Variants in CATSPER1 observed in about 807,000 individuals in gnomAD.
CATSPER1 encodes the protein cation channel sperm associated 1.
Under a neutral mutation model 72.7 loss-of-function variants are expected in CATSPER1, and 57 were observed. That is an observed-to-expected ratio of 0.78 (90% confidence interval 0.63 to 0.98). CATSPER1 has a LOEUF of 0.98. CATSPER1 is among the 50% of genes least tolerant of loss of function. CATSPER1 has a pLI of 0.00. For missense variants in CATSPER1, 910 were observed against 1,033.9 expected (o/e 0.88, Z 1.64); for synonymous variants, 363 against 403.0 (o/e 0.90, Z 1.19).
At chr11:66,018,253 A>G (rs917760964) in intron 10 of CATSPER1, among the ~76,000 whole-genome samples, 1 of 151,434 alleles carries the variant, frequency 6.6e-6, no homozygotes, top group African/African-American at 2.4e-5. Flanking sequence ...AAGATACATG[A>G]GGGTTTACCA....
At chr11:66,018,929 T>A (rs762183019) in intron 9 of CATSPER1, 27 bp from the exon 10 acceptor site, 1 of 1,589,160 alleles carries the variant, frequency 6.3e-7, no homozygotes, top group Non-Finnish European at 8.6e-7. Context: ...AAGGGTGAGG[T>A]CAAGGCCTGG....
intron 1 of CATSPER1, 74 bp downstream of exon 1, chr11:66,025,090 T>C (rs952386424): frequency 1.1e-5 from 17 of 1,591,372 alleles, no homozygotes; most frequent in African/African-American, 4.0e-5. Flanking sequence ...GGAAGGACAG[T>C]GCGGGGCCGA....
In CATSPER1 at chr11:66,020,941, C is replaced by A. The variant is rs148871160; in HGVS notation, c.1797G>T (p.Ala599=). The A allele has an allele frequency of 6.2e-7, 1 of 1,613,994 alleles. No homozygotes were observed. Among genetic ancestry groups the A allele is most frequent in the Non-Finnish European group, 8.5e-7 (1 of 1,180,026 alleles). Residue 599 remains alanine, a synonymous_variant, in exon 6 of 12, where the codon GCG becomes GCT. Transcript: ENST00000312106. The surrounding 1 kb of genome is among the most constrained non-coding windows in gnomAD (Gnocchi z 4.5). The part of the protein sequence containing the change: ...LMFTCLFLFS[A]VLRALFRKSD... ...ATTTGCGGAACAGTGCCCGGAGGAC[C>A]GCGGAGAAGAGGACTGGCTGTTCAG... is the stretch of plus-strand genomic sequence containing the variant.
At position 66,016,901 on chromosome 11, in the gene CATSPER1, A is replaced by C; in HGVS notation, c.2332T>G (p.Phe778Val). Residue 778 changes from phenylalanine to valine, a missense_variant, in exon 12 of 12, where the codon TTC becomes GTC. By Grantham distance (50) the Phe-to-Val change is conservative (BLOSUM62 -1). Coordinates refer to ENST00000312106, the MANE Select transcript of CATSPER1 (RefSeq NM_053054.4). The stretch of plus-strand genomic sequence containing the variant: ...GTGTCCTCCTGGGGTCAATTCCTGA[A>C]GTCCTCTTCTCCAGCCTGCAGGGGT... ...DTTFEAGEED[F>V]RN 1 of 1,613,876 alleles carries C rather than the reference A, an allele frequency of 6.2e-7. No individual in the cohort carries two copies. The highest frequency in any genetic ancestry group is 8.5e-7 in the Non-Finnish European group (1 of 1,179,902).
Position 66,020,811 on chromosome 11 carries a change from C to A in CATSPER1, c.1927G>T (p.Gly643Cys). 6.2e-7 allele frequency: 1 copy of A among 1,613,750 alleles called. No individual in the cohort carries two copies. The highest frequency in any genetic ancestry group is 8.5e-7 in the Non-Finnish European group (1 of 1,180,008). Reference sequence around the variant, plus strand: ...CCCTGCAGCCTGGGGCCTGCCCTACCCTGGGCACGGCTGTCCATGTAGATG... The same window carrying A: ...CCCTGCAGCCTGGGGCCTGCCCTACACTGGGCACGGCTGTCCATGTAGATG... ...SLIYMDSRAQGAWYIIPILVI... is the reference protein window; with the variant it reads ...SLIYMDSRAQCAWYIIPILVI... Residue 643 changes from glycine to cysteine, a missense_variant and splice_region_variant, in exon 6 of 12, where the codon GGC becomes TGC. Transcript: ENST00000312106. This position sits in a 1 kb window ranked among gnomAD's most constrained non-coding sequence, Gnocchi z 4.5.
intron 10 of CATSPER1, 89 bp downstream of exon 10, chr11:66,018,734 GGGCA>G: frequency 1.5e-6 from 2 of 1,349,560 alleles, no homozygotes; most frequent in Non-Finnish European, 2.1e-6. Context: ...CCTTCTAGAG[GGGCA>G]GGCAATGTCC....
At position 66,020,124 on chromosome 11, in the gene CATSPER1, CG is replaced by C. The variant is rs1565070159; in HGVS notation, c.2125+15del. 2 of 1,612,668 alleles carry C rather than the reference CG, an allele frequency of 1.2e-6. No individual in the cohort carries two copies. Among genetic ancestry groups the C allele is most frequent in the Non-Finnish European group, 1.7e-6 (2 of 1,179,810 alleles). ...TGCGGACGGGCAGGTGGGGCCAGGGCGGGCCAGGCCCATACCTGCAGCTCTG... is the reference window on the plus strand; with the variant it reads ...TGCGGACGGGCAGGTGGGGCCAGGGCGGCCAGGCCCATACCTGCAGCTCTG... On this transcript the variant is annotated intron_variant, in intron 9 of 11. Coordinates refer to ENST00000312106, the MANE Select transcript of CATSPER1 (RefSeq NM_053054.4). The surrounding 1 kb of genome is among the most constrained non-coding windows in gnomAD (Gnocchi z 4.5).
rs1856499683 is a variant in CATSPER1 at position 66,026,065 on chromosome 11, G to T, written c.315C>A (p.Val105=). ...GFGLAPSQGA[V]PSHRSYGEDY... ...CCTCACCGTAGGAACGGTGGGAGGG[G>T]ACGGCGCCTTGAGAGGGAGCCAGAC... The change falls in exon 1 of 12, where the codon GTC becomes GTA. Residue 105 remains valine, a synonymous_variant. Transcript: ENST00000312106. 8 of 1,613,856 alleles carry T rather than the reference G, an allele frequency of 5.0e-6. 1 individual carries two copies. In the East Asian group the frequency reaches 1.8e-4, roughly 36 times the overall value.
rs1414430344 is a variant in CATSPER1, at chr11:66,016,815, C to A, written c.*75G>T. On this transcript the variant is annotated 3_prime_UTR_variant, in exon 12 of 12. Transcript: ENST00000312106. Reference sequence around the variant, plus strand: ...GGCCCGGACAATCATTCCAGCAGATCTGGGGACCCGTCCCAGTGCACCCAG... The same window carrying A: ...GGCCCGGACAATCATTCCAGCAGATATGGGGACCCGTCCCAGTGCACCCAG... The A allele has an allele frequency of 6.5e-7, 1 of 1,528,962 alleles. No individual in the cohort carries two copies. Among genetic ancestry groups the A allele is most frequent in the Non-Finnish European group, 8.9e-7 (1 of 1,120,414 alleles). 94.7% of individuals were successfully genotyped at this position (1,528,962 alleles called of 1,614,324 possible).
At chr11:66,017,656 A>G (rs1260816532) in intron 10 of CATSPER1, among the ~76,000 whole-genome samples, 1 of 146,270 alleles carries the variant, frequency 6.8e-6, no homozygotes, top group Non-Finnish European at 1.5e-5. Flanking sequence ...CACATTACCC[A>G]TTGTCCCATT....
At chr11:66,016,975 C>T in intron 11 of CATSPER1, 59 bp from the exon 12 acceptor site, 3 of 1,613,400 alleles carry the variant, frequency 1.9e-6, no homozygotes, top group Admixed American at 3.3e-5. Context: ...TTCCCCGATC[C>T]CCATGGGAGT....
chr11:66,021,704 C>T (rs939887832), intron 3 of CATSPER1, 61 bp from the exon 4 acceptor site: 17 of 1,612,378 alleles, frequency 1.1e-5, no homozygotes, highest in African/African-American at 5.3e-5. Context: ...CTTCCCCATC[C>T]TTCTCTCGTC....
chr11:66,017,990 G>C (rs1476505401), intron 10 of CATSPER1, among the ~76,000 whole-genome samples: 1 of 152,108 alleles, frequency 6.6e-6, no homozygotes, highest in East Asian at 1.9e-4. Flanking sequence ...TTTGAGGTCA[G>C]GAGTTCCAGA....
At position 66,022,854 on chromosome 11, in the gene CATSPER1, C is replaced by A; in HGVS notation, c.1424G>T (p.Arg475Leu). 4 of 1,614,194 alleles carry A rather than the reference C, an allele frequency of 2.5e-6. No individual in the cohort carries two copies. The highest frequency in any genetic ancestry group is 3.4e-6 in the Non-Finnish European group (4 of 1,180,018). Residue 475 changes from arginine (R) to leucine (L), a missense_variant, in exon 2 of 12, where the codon CGG (arginine) becomes CTG (leucine). By Grantham distance (102) the Arg-to-Leu change is moderately radical. Transcript: ENST00000312106. ...VAQTFAEVEI[R>L]GEWYFMALDS... ...CAGGACTCCCTGGCTCTTACCGCCC[C>A]GGATCTCGACTTCAGCGAAGGTCTG...
In CATSPER1 at chr11:66,025,470, C is replaced by G; in HGVS notation, c.910G>C (p.Asp304His). ...CTGGAATGATACGCGCCGTGGTGGT[C>G]TTGGTGCTGATGGTAGTCTCGGTGC... ...HRHRDYHQHQ[D>H]HHGAYHSSYL... Residue 304 changes from aspartate (D) to histidine (H), a missense_variant, in exon 1 of 12, where the codon GAC becomes CAC. Physicochemically the swap from Asp to His is moderately conservative, Grantham distance 81 (BLOSUM62 -1). Coordinates refer to ENST00000312106, the MANE Select transcript of CATSPER1 (RefSeq NM_053054.4). 1 of 1,611,794 alleles carries G rather than the reference C, an allele frequency of 6.2e-7. No individual in the cohort carries two copies. Among genetic ancestry groups the G allele is most frequent in the Non-Finnish European group, 8.5e-7 (1 of 1,179,544 alleles).
At chr11:66,023,755 C>T (rs557933584) in intron 1 of CATSPER1, among the ~76,000 whole-genome samples, 15 of 151,900 alleles carry the variant, frequency 9.9e-5, no homozygotes, top group African/African-American at 3.1e-4. Context: ...GGCTCCCACT[C>T]CTATGCCTCC....
rs1590687881 is a variant in CATSPER1, at chr11:66,025,228, C to A, written c.1152G>T (p.Gln384His). Residue 384 changes from glutamine to histidine, a missense_variant, in exon 1 of 12, where the codon CAG (glutamine) becomes CAT (histidine). Gln to His is a conservative substitution (Grantham distance 24). Coordinates refer to ENST00000312106, the MANE Select transcript of CATSPER1 (RefSeq NM_053054.4). ...VTQMSKKVHTQDISTKHSEDW... is the reference protein window; with the variant it reads ...VTQMSKKVHTHDISTKHSEDW... ...CTTCTGAATGTTTGGTGGAGATATC[C>A]TGGGTATGGACTTTTTTGGACATCT... 2 of 1,613,984 alleles carry A rather than the reference C, an allele frequency of 1.2e-6. No homozygotes were observed. Among genetic ancestry groups the A allele is most frequent in the Non-Finnish European group, 1.7e-6 (2 of 1,180,036 alleles).
Position 66,026,140 on chromosome 11 carries a change from G to C in CATSPER1, c.240C>G (p.His80Gln), listed in dbSNP as rs764201407. 1.2e-6 allele frequency: 2 copies of C among 1,607,018 alleles called. No individual in the cohort carries two copies. The highest frequency in any genetic ancestry group is 3.3e-5 in the Admixed American group (2 of 59,850). ...ALSSHVHQSH[H>Q]HSEARNHGRA... ...TGCCGTGATTCCGTGCCTCGCTGTG[G>C]TGGTGAGATTGGTGGACATGGGAGG... The change falls in exon 1 of 12, where the codon CAC becomes CAG. Residue 80 changes from histidine (H) to glutamine (Q), a missense_variant. Coordinates refer to ENST00000312106, the MANE Select transcript of CATSPER1 (RefSeq NM_053054.4).
chr11:66,019,423 C>T (rs1856308229), intron 9 of CATSPER1, among the ~76,000 whole-genome samples: 1 of 152,022 alleles, frequency 6.6e-6, no homozygotes, highest in African/African-American at 2.4e-5. Context: ...ATTACTGGTG[C>T]CCACCACCAT....
Sources: allele counts gnomAD v4.1 joint callset (sites outside exome capture counted in the v4.1 genomes callset), GRCh38; gene constraint gnomAD v4.1.1; non-coding constraint Gnocchi (gnomAD v3.1); transcripts MANE v1.5; gene names NCBI Gene and HGNC (gene_info 2026-07-23, HGNC 2026-07-21).